The following KCNJ6 variants were observed in gnomAD, a reference collection of about 807,000 sequenced individuals.
The protein encoded by KCNJ6 is G protein-activated inward rectifier potassium channel 2.
In KCNJ6, 9 loss-of-function variants were observed where a neutral mutation model predicts 34.2. That is an observed-to-expected ratio of 0.26 (90% confidence interval 0.16 to 0.46). KCNJ6 has a LOEUF of 0.46. Ranked by LOEUF, KCNJ6 falls within the 20% of genes least tolerant of loss-of-function variation. The pLI, the probability that KCNJ6 is intolerant of heterozygous loss-of-function variation, is 1.00. For missense variants in KCNJ6, 236 were observed against 531.3 expected, an observed-to-expected ratio of 0.44 and a Z score of 5.46; for synonymous variants, 196 against 207.1, an observed-to-expected ratio of 0.95 and a Z score of 0.46.
chr21:37,626,975 GCAGC>G (rs1304330764), intron 3 of KCNJ6, among the ~76,000 whole-genome samples: 1 of 152,182 alleles, frequency 6.6e-6, no homozygotes, highest in South Asian at 2.1e-4. Context: ...ATTCAGGAGA[GCAGC>G]CAGCCAGCCA....
At chr21:37,652,743 T>C (rs1404150724) in intron 3 of KCNJ6, among the ~76,000 whole-genome samples, 1 of 152,118 alleles carries the variant, frequency 6.6e-6, no homozygotes, top group African/African-American at 2.4e-5. Context: ...CAAGAGAAGA[T>C]GGGACTTAAA....
chr21:37,849,552 A>G (rs2055527302), intron 1 of KCNJ6, among the ~76,000 whole-genome samples: 1 of 152,086 alleles, frequency 6.6e-6, no homozygotes. Context: ...CTGCACTCCC[A>G]GCTCCCCGCA....
At position 37,714,548 on chromosome 21, in the gene KCNJ6, C is replaced by T; in HGVS notation, c.609G>A (p.Leu203=). The change falls in exon 3 of 4, where the codon CTG becomes CTA. Residue 203 remains leucine, a synonymous_variant. Transcript: ENST00000609713. This position sits in a 1 kb window ranked among gnomAD's most constrained non-coding sequence, Gnocchi z 5.9. ...ISQPKKRAET[L]VFSTHAVISM... ...AGATCACTGCATGGGTGGAAAAGAC[C>T]AGGGTCTCTGCCCTCTTCTTGGGTT... 6.2e-7 allele frequency: 1 copy of T among 1,614,130 alleles called. No individual in the cohort carries two copies. Among genetic ancestry groups the T allele is most frequent in the Non-Finnish European group, 8.5e-7 (1 of 1,180,008 alleles).
chr21:37,857,621 C>CT (rs1352988478), intron 1 of KCNJ6, among the ~76,000 whole-genome samples: 1 of 152,202 alleles, frequency 6.6e-6, no homozygotes, highest in Non-Finnish European at 1.5e-5. Flanking sequence ...TTAGACAGAA[C>CT]TTTACTCTAG....
At chr21:37,837,309 C>T (rs972628575) in intron 2 of KCNJ6, among the ~76,000 whole-genome samples, 6 of 151,850 alleles carry the variant, frequency 4.0e-5, no homozygotes, top group African/African-American at 7.3e-5. Context: ...ACAGCAAAGT[C>T]GTCAGAAAAA....
At chr21:37,750,951 G>C (rs923860660) in intron 2 of KCNJ6, among the ~76,000 whole-genome samples, 68 of 152,252 alleles carry the variant, frequency 4.5e-4, no homozygotes, top group African/African-American at 1.6e-3. Context: ...ATTGCTATCT[G>C]GTTACACACT....
chr21:37,768,716 C>T (rs1297500830), intron 2 of KCNJ6, among the ~76,000 whole-genome samples: 1 of 152,212 alleles, frequency 6.6e-6, no homozygotes, highest in Non-Finnish European at 1.5e-5. Flanking sequence ...AGGCAACAGG[C>T]TTATAAGGAA....
rs758545337 is a variant in KCNJ6, at chr21:37,625,218, C to T, written c.1213G>A (p.Glu405Lys). 3.0e-5 allele frequency: 49 copies of T among 1,614,070 alleles called. 1 individual carries two copies. Among genetic ancestry groups the T allele is most frequent in the Middle Eastern group, 1.6e-4 (1 of 6,084 alleles). Residue 405 changes from glutamate (E) to lysine (K), a missense_variant, in exon 4 of 4, where the codon GAA becomes AAA. Glu to Lys is a moderately conservative substitution (Grantham distance 56). Around this residue, in one of 5 missense-constraint regions of KCNJ6, gnomAD observed 43 missense variants for 52.1 expected, o/e 0.82. Coordinates refer to ENST00000609713, the MANE Select transcript of KCNJ6 (RefSeq NM_002240.5). ...LETEEEEKNL[E>K]EQTERNGDVA... ...TCACCATTTCTTTCTGTTTGCTCTT[C>T]GAGGTTCTTTTCTTCCTCTTCAGTC...
chr21:37,790,468 A>G (rs1050484116), intron 2 of KCNJ6, among the ~76,000 whole-genome samples: 12 of 152,202 alleles, frequency 7.9e-5, no homozygotes, highest in Admixed American at 6.5e-4. Flanking sequence ...TTAGTTCTCA[A>G]AATAACCCTA....
chr21:37,841,605 T>C (rs920271093), intron 1 of KCNJ6, among the ~76,000 whole-genome samples: 1 of 152,204 alleles, frequency 6.6e-6, no homozygotes, highest in African/African-American at 2.4e-5. Context: ...GGCCTATTTC[T>C]TTACCTGTGC....
chr21:37,837,056 T>C (rs1043064018), intron 2 of KCNJ6, among the ~76,000 whole-genome samples: 4 of 152,074 alleles, frequency 2.6e-5, no homozygotes, highest in African/African-American at 9.7e-5. Flanking sequence ...TCTTTGCTCC[T>C]TGTAATTCTG....
chr21:37,838,844 T>C (rs1359708926), intron 2 of KCNJ6, among the ~76,000 whole-genome samples: 1 of 152,178 alleles, frequency 6.6e-6, no homozygotes. Context: ...TGGTGAGAGA[T>C]GATTTGATCA....
intron 1 of KCNJ6, among the ~76,000 whole-genome samples, chr21:37,860,020 C>A (rs2055586824): frequency 6.6e-6 from 1 of 152,116 alleles, no homozygotes; most frequent in South Asian, 2.1e-4. Context: ...CCACAAGACA[C>A]CCCGTGCCCT....
intron 2 of KCNJ6, among the ~76,000 whole-genome samples, chr21:37,803,398 C>A (rs527611953): frequency 6.6e-5 from 10 of 152,132 alleles, no homozygotes; most frequent in Non-Finnish European, 1.2e-4. Flanking sequence ...CAATCCACCA[C>A]GGAAATAAGT....
In KCNJ6 at chr21:37,612,889, T is replaced by G. The variant is rs1383510069; in HGVS notation, c.*12270A>C. 1 of 152,242 alleles carries G rather than the reference T, an allele frequency of 6.6e-6. No individual in the cohort carries two copies. Among genetic ancestry groups the G allele is most frequent in the South Asian group, 2.1e-4 (1 of 4,822 alleles). 9.4% of individuals were successfully genotyped at this position (152,242 alleles called of 1,614,324 possible). On this transcript the variant is annotated 3_prime_UTR_variant, in exon 4 of 4. Transcript: ENST00000609713. The stretch of plus-strand genomic sequence containing the variant: ...AGATGACCTTGGATATGGCAATAGA[T>G]TTTTAGATAGAACACCAAAGACATG...
chr21:37,815,557 C>A (rs370236111), intron 2 of KCNJ6, among the ~76,000 whole-genome samples: 3 of 152,148 alleles, frequency 2.0e-5, no homozygotes, highest in African/African-American at 4.8e-5. Context: ...CAGGGCTGAG[C>A]CCCCATAGTG....
At chr21:37,683,838 AG>A (rs1469004666) in intron 3 of KCNJ6, among the ~76,000 whole-genome samples, 1 of 152,136 alleles carries the variant, frequency 6.6e-6, no homozygotes, top group Non-Finnish European at 1.5e-5. Context: ...AGAGGGAGAA[AG>A]GATCCCTTCT....
intron 3 of KCNJ6, among the ~76,000 whole-genome samples, chr21:37,689,599 T>C (rs2054630715): frequency 6.6e-6 from 1 of 152,162 alleles, no homozygotes; most frequent in Non-Finnish European, 1.5e-5. Flanking sequence ...TAAATTTCTA[T>C]CTTCTCTCTC....
In KCNJ6 at chr21:37,785,270, CA is replaced by C. The variant is rs529542575; in HGVS notation, c.25+55387del. Among the ~76,000 whole-genome samples, 15 of 152,272 alleles carry C rather than the reference CA, an allele frequency of 9.9e-5. No homozygotes were observed. In the East Asian group the frequency reaches 2.9e-3, roughly 29 times the overall value. On this transcript the variant is annotated intron_variant, in intron 2 of 3. Coordinates refer to ENST00000609713, the MANE Select transcript of KCNJ6 (RefSeq NM_002240.5). Reference sequence around the variant, plus strand: ...TTTTGTGCCCAAGAAGTGGGAGGACCAGGAAAACTTCCACAAGTGAGTTCTG... The same window carrying C: ...TTTTGTGCCCAAGAAGTGGGAGGACCGGAAAACTTCCACAAGTGAGTTCTG...
Sources: allele counts gnomAD v4.1 joint callset (sites outside exome capture counted in the v4.1 genomes callset), GRCh38; gene constraint gnomAD v4.1.1; regional missense constraint gnomAD v4.1.1; non-coding constraint Gnocchi (gnomAD v3.1); transcripts MANE v1.5; gene names NCBI Gene and HGNC (gene_info 2026-07-23, HGNC 2026-07-21).